KIAA0825: variants seen among roughly 807,000 people sequenced by gnomAD.
KIAA0825 encodes KIAA0825, also known as uncharacterized protein KIAA0825.
KIAA0825 carries 119 observed loss-of-function variants against 147.6 expected under a neutral mutation model. The observed-to-expected ratio is 0.81, with a 90% CI of 0.69 to 0.94. KIAA0825 has a LOEUF of 0.94. KIAA0825 is among the 40% of genes least tolerant of loss of function. The pLI, the probability that KIAA0825 is intolerant of heterozygous loss-of-function variation, is 0.00. For missense variants in KIAA0825, 1,381 were observed against 1,472.7 expected, an observed-to-expected ratio of 0.94 and a Z score of 1.02; for synonymous variants, 470 against 518.1, an observed-to-expected ratio of 0.91 and a Z score of 1.26.
chr5:94,275,001 G>T (rs1185510788), intron 20 of KIAA0825, among the ~76,000 whole-genome samples: 1 of 152,138 alleles, frequency 6.6e-6, no homozygotes, highest in Non-Finnish European at 1.5e-5. Context: ...GAAGTGATTT[G>T]TCAAAGTAGA....
intron 20 of KIAA0825, among the ~76,000 whole-genome samples, chr5:94,347,597 A>C (rs1455041879): frequency 6.6e-6 from 1 of 152,220 alleles, no homozygotes; most frequent in Non-Finnish European, 1.5e-5. Flanking sequence ...CCATAGGAAA[A>C]GGGAGAGAGT....
At chr5:94,287,495 C>A (rs1346854407) in intron 20 of KIAA0825, among the ~76,000 whole-genome samples, 2 of 152,122 alleles carry the variant, frequency 1.3e-5, no homozygotes, top group Non-Finnish European at 2.9e-5. Context: ...TATAATAATT[C>A]TGCAGGATTG....
intron 14 of KIAA0825, among the ~76,000 whole-genome samples, chr5:94,434,367 G>C (rs1756079744): frequency 6.6e-6 from 1 of 152,076 alleles, no homozygotes; most frequent in Non-Finnish European, 1.5e-5. Flanking sequence ...ATTTAATTTT[G>C]TTATTTTCTG....
chr5:94,476,317 G>T (rs950834889), intron 7 of KIAA0825, among the ~76,000 whole-genome samples: 1 of 152,136 alleles, frequency 6.6e-6, no homozygotes, highest in African/African-American at 2.4e-5. Flanking sequence ...TGTGAAGCAG[G>T]CCAGATATTA....
At chr5:94,517,699 A>T (rs1562582542) in intron 5 of KIAA0825, among the ~76,000 whole-genome samples, 1 of 150,762 alleles carries the variant, frequency 6.6e-6, no homozygotes, top group Non-Finnish European at 1.5e-5. Context: ...AATTAAATTT[A>T]TTTTAAATTA....
intron 2 of KIAA0825, among the ~76,000 whole-genome samples, chr5:94,563,476 A>C (rs17083807): frequency 1.3e-5 from 2 of 152,184 alleles, no homozygotes; most frequent in Non-Finnish European, 2.9e-5. Flanking sequence ...AGTCCACTCA[A>C]TATAGATCAA....
At chr5:94,562,850 T>C (rs1288403866) in intron 2 of KIAA0825, among the ~76,000 whole-genome samples, 1 of 152,148 alleles carries the variant, frequency 6.6e-6, no homozygotes, top group African/African-American at 2.4e-5. Context: ...TAAGAGATAG[T>C]ATGTAGGTAT....
chr5:94,453,339 A>ATTTTTTTTTTT (rs563316235), intron 12 of KIAA0825, among the ~76,000 whole-genome samples: 1 of 118,236 alleles, frequency 8.5e-6, no homozygotes, highest in Non-Finnish European at 1.7e-5. Flanking sequence ...CGTGTGGCTG[A>ATTTTTTTTTTT]TTTTTTTTTT....
In KIAA0825 at chr5:94,462,403, A is replaced by G; in HGVS notation, c.2230T>C (p.Leu744=). Residue 744 remains leucine (L), a synonymous_variant, in exon 12 of 21, where the codon TTA becomes CTA. Transcript: ENST00000682413. ...FTTLVILTSP[L]TELYKTFQHG... ...GATACTTACTTATATAATTCTGTTA[A>G]TGGTGAAGTCAAAATGACTAATGTT... 2.1e-6 allele frequency: 3 copies of G among 1,434,176 alleles called. No homozygotes were observed. The highest frequency in any genetic ancestry group is 2.8e-6 in the Non-Finnish European group (3 of 1,054,236). 88.8% of individuals were successfully genotyped at this position (1,434,176 alleles called of 1,614,324 possible).
intron 2 of KIAA0825, among the ~76,000 whole-genome samples, chr5:94,581,145 T>A (rs975071504): frequency 6.6e-6 from 1 of 152,060 alleles, no homozygotes. Context: ...TAGTGAAACA[T>A]GTGGTTCTTT....
At chr5:94,428,044 G>C (rs1322945192) in intron 14 of KIAA0825, among the ~76,000 whole-genome samples, 1 of 151,992 alleles carries the variant, frequency 6.6e-6, no homozygotes, top group African/African-American at 2.4e-5. Context: ...TTTGTTTTCT[G>C]TGTGCAAGCT....
At chr5:94,500,583 G>C (rs139432499) in intron 5 of KIAA0825, among the ~76,000 whole-genome samples, 29 of 152,148 alleles carry the variant, frequency 1.9e-4, no homozygotes, top group African/African-American at 6.5e-4. Context: ...TTATCCATGC[G>C]GTGTTTGGAG....
chr5:94,542,566 G>C (rs1457432070), intron 2 of KIAA0825, among the ~76,000 whole-genome samples: 1 of 152,138 alleles, frequency 6.6e-6, no homozygotes, highest in Non-Finnish European at 1.5e-5. Context: ...CAGCACTTTG[G>C]GAGTCCGAGG....
At chr5:94,431,656 G>C (rs191120608) in intron 14 of KIAA0825, among the ~76,000 whole-genome samples, 92 of 152,212 alleles carry the variant, frequency 6.0e-4, no homozygotes, top group Middle Eastern at 6.8e-3. Context: ...AAATGGTCTA[G>C]GCATAAAAAA....
rs753856588 is a variant in KIAA0825 at position 94,432,969 on chromosome 5, T to G, written c.2497+7013A>C. On this transcript the variant is annotated intron_variant, in intron 14 of 20. Transcript: ENST00000682413. Reference sequence around the variant, plus strand: ...CTGCCATAAAATGCCTTATATTACCTGAAAGACCAAGAAAATATTAACTAT... The same window carrying G: ...CTGCCATAAAATGCCTTATATTACCGGAAAGACCAAGAAAATATTAACTAT... Among the ~76,000 whole-genome samples the G allele has an allele frequency of 1.4e-4, 21 of 152,324 alleles. 1 individual carries two copies. The South Asian group carries it at 3.3e-3, about 24-fold the overall frequency.
chr5:94,507,572 T>C (rs1372725643), intron 5 of KIAA0825, among the ~76,000 whole-genome samples: 2 of 150,360 alleles, frequency 1.3e-5, no homozygotes, highest in African/African-American at 4.9e-5. Flanking sequence ...CTTTGACATA[T>C]AAAATAAAGA....
chr5:94,448,581 T>G (rs1223170405), intron 13 of KIAA0825, among the ~76,000 whole-genome samples: 2 of 152,174 alleles, frequency 1.3e-5, no homozygotes, highest in Non-Finnish European at 2.9e-5. Context: ...AATTACTAAG[T>G]TCCTTCATGA....
intron 20 of KIAA0825, among the ~76,000 whole-genome samples, chr5:94,356,431 C>A (rs531486587): frequency 1.3e-5 from 2 of 151,682 alleles, no homozygotes; most frequent in African/African-American, 2.4e-5. Flanking sequence ...CATGGTGAAA[C>A]CCCGTCTCTA....
At chr5:94,320,753 T>G (rs577129997) in intron 20 of KIAA0825, among the ~76,000 whole-genome samples, 1 of 152,094 alleles carries the variant, frequency 6.6e-6, no homozygotes, top group South Asian at 2.1e-4. Context: ...TCTTTCATGA[T>G]TTACAATAGA....
Sources: allele counts gnomAD v4.1 joint callset (sites outside exome capture counted in the v4.1 genomes callset), GRCh38; gene constraint gnomAD v4.1.1; transcripts MANE v1.5; gene names NCBI Gene and HGNC (gene_info 2026-07-23, HGNC 2026-07-21).